VGLL2: variants seen among roughly 807,000 people sequenced by gnomAD.
The protein encoded by VGLL2 is transcription cofactor vestigial-like protein 2.
In VGLL2, 18 loss-of-function variants were observed where a neutral mutation model predicts 27.0. That is an observed-to-expected ratio of 0.67 (90% CI 0.46 to 0.99). VGLL2 has a LOEUF of 0.99. Among genes scored for constraint, VGLL2 ranks in the 50% least tolerant of loss-of-function variants. The probability of loss-of-function intolerance (pLI) is 0.00; values close to 1 mark genes in which losing one functional copy is unlikely to be tolerated. For synonymous variants in VGLL2, 220 were observed against 201.1 expected, an observed-to-expected ratio of 1.09 and a Z score of -0.80; for missense variants, 491 against 452.3, an observed-to-expected ratio of 1.09 and a Z score of -0.78.
chr6:117,269,854 C>T lies in VGLL2; in HGVS notation c.392-689C>T, dbSNP rs534893916. 1.5e-4 allele frequency among the ~76,000 whole-genome samples: 23 copies of T among 152,242 alleles called. No homozygotes were observed. The South Asian group carries it at 4.4e-3, about 29-fold the overall frequency. ...ACTTAGGATAAAAGACCTGTCTATT[C>T]GTGTCCTTCTGTGCAAATAATAGAG... On this transcript the variant is annotated intron_variant, in intron 2 of 3. Coordinates refer to ENST00000326274, the MANE Select transcript of VGLL2 (RefSeq NM_182645.3).
At position 117,265,684 on chromosome 6, in the gene VGLL2, C is replaced by G. The variant is rs978320561; in HGVS notation, c.-80C>G. The G allele has an allele frequency of 7.8e-7, 1 of 1,277,136 alleles. No individual in the cohort carries two copies. Among genetic ancestry groups the G allele is most frequent in the Non-Finnish European group, 1.1e-6 (1 of 883,862 alleles). 79.1% of individuals were successfully genotyped at this position (1,277,136 alleles called of 1,614,324 possible). ...GATGACTCCAGAGCGCGGGTCCAAG[C>G]GCCGCCCATGCAGCACCCCTGAGCT... On this transcript the variant is annotated 5_prime_UTR_variant, in exon 1 of 4. Coordinates refer to ENST00000326274, the MANE Select transcript of VGLL2 (RefSeq NM_182645.3).
intron 3 of VGLL2, among the ~76,000 whole-genome samples, 179 bp downstream of exon 3, chr6:117,271,243 A>C (rs1420118138): frequency 6.6e-6 from 1 of 150,934 alleles, no homozygotes; most frequent in African/African-American, 2.4e-5. Context: ...AGGCGGGATG[A>C]GAAAGTAGGA....
At chr6:117,269,285 A>T (rs1582498717) in intron 2 of VGLL2, among the ~76,000 whole-genome samples, 3 of 152,218 alleles carry the variant, frequency 2.0e-5, no homozygotes, top group East Asian at 3.9e-4. Flanking sequence ...TCCCTTTATT[A>T]CCAACAAAAC....
Position 117,266,456 on chromosome 6 carries a change from A to G in VGLL2, c.81+612A>G, listed in dbSNP as rs567669413. ...TCTGGGAGCATTATCCGGAGTGCGA[A>G]TGACCCGGCAGAGGCGAGCCTGATA... On this transcript the variant is annotated intron_variant, in intron 1 of 3. Coordinates refer to ENST00000326274, the MANE Select transcript of VGLL2 (RefSeq NM_182645.3). Among the ~76,000 whole-genome samples, 5 of 152,294 alleles carry G rather than the reference A, an allele frequency of 3.3e-5. No individual in the cohort carries two copies. In the East Asian group the frequency reaches 9.6e-4, roughly 29 times the overall value.
chr6:117,271,804 T>A (rs1158343287), intron 3 of VGLL2, among the ~76,000 whole-genome samples: 1 of 152,184 alleles, frequency 6.6e-6, no homozygotes, highest in Non-Finnish European at 1.5e-5. Context: ...CCAAATAAAA[T>A]AGATCTCTTA....
intron 2 of VGLL2, 106 bp from the exon 3 acceptor site, chr6:117,270,437 G>A (rs1392868096): frequency 2.9e-6 from 4 of 1,370,674 alleles, no homozygotes; most frequent in Admixed American, 5.8e-5. Context: ...TGCCCGCCCG[G>A]CGCCTTCGTC....
At position 117,268,175 on chromosome 6, in the gene VGLL2, T is replaced by C. The variant is rs375196219; in HGVS notation, c.82-7T>C. 4 of 1,612,480 alleles carry C rather than the reference T, an allele frequency of 2.5e-6. No homozygotes were observed. The Admixed American group carries it at 6.7e-5, about 27-fold the overall frequency. ...TTGATATCTCTGTTCTTTCTCTCTC[T>C]GAACAGAAACTAGCCTATTATTCCA... On this transcript the variant is annotated splice_polypyrimidine_tract_variant and splice_region_variant and intron_variant, in intron 1 of 3. Transcript: ENST00000326274.
Position 117,268,243 on chromosome 6 carries a change from G to A in VGLL2, c.143G>A (p.Ser48Asn). Residue 48 changes from serine to asparagine, a missense_variant, in exon 2 of 4, where the codon AGT becomes AAT. By Grantham distance (46) the Ser-to-Asn change is conservative (BLOSUM62 1). Transcript: ENST00000326274. ...GAGTGCAATGCCAGCCCCAGCAGCA[G>A]TGGCAGCGGCAGCTCCTCATTTTCC... Reference protein sequence around the residue: ...AQECNASPSSSGSGSSSFSSQ... With the variant: ...AQECNASPSSNGSGSSSFSSQ... 1 of 1,614,162 alleles carries A rather than the reference G, an allele frequency of 6.2e-7. No individual in the cohort carries two copies. The highest frequency in any genetic ancestry group is 8.5e-7 in the Non-Finnish European group (1 of 1,180,050).
At chr6:117,270,229 A>G (rs1483476630) in intron 2 of VGLL2, among the ~76,000 whole-genome samples, 1 of 150,532 alleles carries the variant, frequency 6.6e-6, no homozygotes, top group East Asian at 2.0e-4. Flanking sequence ...CGCTCTTGCT[A>G]CTCTACCCGC....
rs1167658077 is a variant in VGLL2, at chr6:117,270,639, C to T, written c.488C>T (p.Ala163Val). 3 of 1,583,074 alleles carry T rather than the reference C, an allele frequency of 1.9e-6. No homozygotes were observed. Among genetic ancestry groups the T allele is most frequent in the Non-Finnish European group, 2.6e-6 (3 of 1,170,610 alleles). Residue 163 changes from alanine (A) to valine (V), a missense_variant, in exon 3 of 4, where the codon GCC becomes GTC. By Grantham distance (64) the Ala-to-Val change is moderately conservative. Transcript: ENST00000326274. Reference sequence around the variant, plus strand: ...CCCCCGCCGCTGGGCAGCCCTCTGGCCACCGCGCACTCGGAGCTGCCCTTC... The same window carrying T: ...CCCCCGCCGCTGGGCAGCCCTCTGGTCACCGCGCACTCGGAGCTGCCCTTC... The part of the protein sequence containing the change: ...PVPPPLGSPL[A>V]TAHSELPFAA...
chr6:117,272,770 T>C lies in VGLL2; in HGVS notation c.*276T>C. ...GAGATTGCTGAGTCAGGTGATGTGA[T>C]ATCATAAGCTTTCTTGGAACGGGGG... On this transcript the variant is annotated 3_prime_UTR_variant, in exon 4 of 4. Transcript: ENST00000326274. 1 of 498,962 alleles carries C rather than the reference T, an allele frequency of 2.0e-6. No homozygotes were observed. The highest frequency in any genetic ancestry group is 3.4e-5 in the South Asian group (1 of 29,128). 30.9% of individuals were successfully genotyped at this position (498,962 alleles called of 1,614,324 possible). A position where few individuals can be genotyped will look rare whatever the true frequency, so the allele number is the denominator to read the frequency against.
chr6:117,273,171 A>G lies in VGLL2; in HGVS notation c.*677A>G, dbSNP rs1165579634. 1 of 152,742 alleles carries G rather than the reference A, an allele frequency of 6.5e-6. No homozygotes were observed. The highest frequency in any genetic ancestry group is 6.5e-5 in the Admixed American group (1 of 15,282). The allele number at this position is 152,742 out of a possible 1,614,324, so 9.5% of individuals were successfully genotyped here. On this transcript the variant is annotated 3_prime_UTR_variant, in exon 4 of 4. Coordinates refer to ENST00000326274, the MANE Select transcript of VGLL2 (RefSeq NM_182645.3). ...GAAAACTCCAGAAATACATCACCCAAGGTGGCAGTTCTCAGTATTTGGCAG... is the reference window on the plus strand; with the variant it reads ...GAAAACTCCAGAAATACATCACCCAGGGTGGCAGTTCTCAGTATTTGGCAG...
chr6:117,270,871 G>C lies in VGLL2; in HGVS notation c.720G>C (p.Gly240=), dbSNP rs1206415133. ...CGCCGCACTTCGACCCGCGCTATGG[G>C]CCGCTGCTGATGCCAGCCGCCTCGG... ...VYAPHFDPRY[G]PLLMPAASGR... The change falls in exon 3 of 4, where the codon GGG becomes GGC. Residue 240 remains glycine (G), a synonymous_variant. Transcript: ENST00000326274. 1 of 1,371,070 alleles carries C rather than the reference G, an allele frequency of 7.3e-7. No homozygotes were observed. The highest frequency in any genetic ancestry group is 1.6e-5 in the South Asian group (1 of 61,500). 84.9% of individuals were successfully genotyped at this position (1,371,070 alleles called of 1,614,324 possible).
At position 117,272,506 on chromosome 6, in the gene VGLL2, A is replaced by G. The variant is rs1773223270; in HGVS notation, c.*12A>G. ...CCCTCCTGAGCTGATCTGCTGACCC[A>G]GGGTTTCCCCTTCCCCTTCCCTTCT... On this transcript the variant is annotated 3_prime_UTR_variant, in exon 4 of 4. Transcript: ENST00000326274. The G allele has an allele frequency of 6.2e-7, 1 of 1,614,124 alleles. No individual in the cohort carries two copies. The highest frequency in any genetic ancestry group is 8.5e-7 in the Non-Finnish European group (1 of 1,180,018).
intron 3 of VGLL2, 51 bp downstream of exon 3, chr6:117,271,115 C>A (rs1773187305): frequency 8.4e-7 from 1 of 1,193,870 alleles, no homozygotes; most frequent in Non-Finnish European, 1.0e-6. Context: ...GCCCCGTACC[C>A]GACCCTGGGC....
chr6:117,265,769 C>T lies in VGLL2; in HGVS notation c.6C>T (p.Ser2=). The change falls in exon 1 of 4, where the codon AGC becomes AGT. Residue 2 remains serine (S), a synonymous_variant. Coordinates refer to ENST00000326274, the MANE Select transcript of VGLL2 (RefSeq NM_182645.3). The stretch of plus-strand genomic sequence containing the variant: ...CGTCTCCGCTGCGGAGAGTCATGAG[C>T]TGTCTGGATGTTATGTACCAAGTCT... M[S]CLDVMYQVYG... 6.2e-7 allele frequency: 1 copy of T among 1,613,990 alleles called. No individual in the cohort carries two copies. The highest frequency in any genetic ancestry group is 8.5e-7 in the Non-Finnish European group (1 of 1,179,848).
intron 1 of VGLL2, among the ~76,000 whole-genome samples, chr6:117,267,517 A>G (rs982341715): frequency 3.3e-5 from 5 of 152,146 alleles, no homozygotes; most frequent in African/African-American, 4.8e-5. Flanking sequence ...AAAAAAATCA[A>G]CTTGCATTTA....
chr6:117,265,993 GC>G, intron 1 of VGLL2, 149 bp downstream of exon 1: 2 of 709,762 alleles, frequency 2.8e-6, no homozygotes, highest in Non-Finnish European at 4.9e-6. Flanking sequence ...TGCCGGAGCC[GC>G]CCCCAGTTGG....
At chr6:117,271,296 A>AAATAAT (rs200440828) in intron 3 of VGLL2, among the ~76,000 whole-genome samples, 2,411 of 144,380 alleles carry the variant, frequency 0.017, 39 homozygotes, top group Non-Finnish European at 0.022. Context: ...AGGACTTTTA[A>AAATAAT]AATAATAATA....
Sources: gnomAD v4.1 joint callset for allele counts (sites outside exome capture counted in the v4.1 genomes callset) on GRCh38, gnomAD v4.1.1 for gene constraint, MANE v1.5 for transcripts, NCBI Gene and HGNC (gene_info 2026-07-23, HGNC 2026-07-21) for gene names.